The following NTM variants were observed in gnomAD, a reference collection of about 807,000 sequenced individuals.
NTM encodes the protein IgLON family member 2.
In NTM, 13 loss-of-function variants were observed where a neutral mutation model predicts 42.1. The observed-to-expected ratio is 0.31, with a 90% CI of 0.20 to 0.49. The LOEUF (loss-of-function observed/expected upper bound fraction) is 0.49. Ranked by LOEUF, NTM falls within the 20% of genes least tolerant of loss-of-function variation. The probability of loss-of-function intolerance (pLI) is 0.99; values close to 1 mark genes in which losing one functional copy is unlikely to be tolerated. For synonymous variants in NTM, 187 were observed against 179.2 expected, an observed-to-expected ratio of 1.04 and a Z score of -0.35; for missense variants, 373 against 452.8, an observed-to-expected ratio of 0.82 and a Z score of 1.60.
intron 1 of NTM, among the ~76,000 whole-genome samples, chr11:131,821,114 G>T (rs1313409753): frequency 2.0e-5 from 3 of 151,536 alleles, no homozygotes; most frequent in East Asian, 1.9e-4. Flanking sequence ...ATTTCTCCCT[G>T]TGTTTGGCCA....
rs74931197 is a variant in NTM at position 131,932,684 on chromosome 11, C to T, written c.167+21036C>T. 2.6e-5 allele frequency among the ~76,000 whole-genome samples: 4 copies of T among 152,308 alleles called. No homozygotes were observed. The East Asian group carries it at 7.7e-4, about 29-fold the overall frequency. On this transcript the variant is annotated intron_variant, in intron 2 of 8. Coordinates refer to ENST00000683400, the MANE Select transcript of NTM (RefSeq NM_001352005.2). ...ATGCTGATGGTGGTGATGATTTATA[C>T]CTTAATGAGCAGGCGTTGGTCATCA...
intron 3 of NTM, among the ~76,000 whole-genome samples, chr11:132,161,279 G>GAC (rs927856102): frequency 6.6e-6 from 1 of 151,684 alleles, no homozygotes; most frequent in Non-Finnish European, 1.5e-5. Context: ...TCAGCAGATG[G>GAC]ACACCCTTCT....
intron 1 of NTM, among the ~76,000 whole-genome samples, chr11:131,872,770 C>T (rs116447849): frequency 6.6e-6 from 1 of 152,150 alleles, no homozygotes; most frequent in Non-Finnish European, 1.5e-5. Flanking sequence ...TAGTATCATA[C>T]TGTGGGGTAA....
intron 1 of NTM, among the ~76,000 whole-genome samples, chr11:131,691,318 G>T (rs150585812): frequency 2.0e-5 from 3 of 152,208 alleles, no homozygotes; most frequent in Non-Finnish European, 4.4e-5. Context: ...CGGGGAGTTC[G>T]CCCCTGTGGG....
chr11:131,377,556 A>G (rs533115089), intron 1 of NTM, among the ~76,000 whole-genome samples: 2 of 152,322 alleles, frequency 1.3e-5, no homozygotes, highest in African/African-American at 4.8e-5. Context: ...CTCTATGAGA[A>G]CCCTTTTAAT....
At chr11:131,510,669 C>A (rs773089066) in intron 1 of NTM, among the ~76,000 whole-genome samples, 1 of 152,178 alleles carries the variant, frequency 6.6e-6, no homozygotes, top group African/African-American at 2.4e-5. Context: ...GACCACTAGA[C>A]GTTTATAAAA....
chr11:132,297,029 G>T (rs148484569), intron 4 of NTM, among the ~76,000 whole-genome samples: 83 of 152,308 alleles, frequency 5.4e-4, no homozygotes, highest in African/African-American at 1.8e-3. Context: ...CCTTTCTCCT[G>T]AGGCCCAAAC....
At chr11:132,159,152 A>G (rs538032267) in intron 3 of NTM, among the ~76,000 whole-genome samples, 4 of 152,280 alleles carry the variant, frequency 2.6e-5, no homozygotes, top group African/African-American at 9.6e-5. Flanking sequence ...CTGAGATTGT[A>G]TTATCCTGTG....
At chr11:131,890,989 G>A (rs1419578162) in intron 1 of NTM, among the ~76,000 whole-genome samples, 1 of 152,150 alleles carries the variant, frequency 6.6e-6, no homozygotes, top group East Asian at 1.9e-4. Flanking sequence ...CTAGCCTAGC[G>A]AGAGGAGAAT....
chr11:131,372,331 G>A (rs1157310171), intron 1 of NTM, among the ~76,000 whole-genome samples: 1 of 152,122 alleles, frequency 6.6e-6, no homozygotes, highest in East Asian at 1.9e-4. Flanking sequence ...CAGGAGGCAT[G>A]GGCCTCAGGA....
At chr11:131,926,748 C>T (rs1342039679) in intron 2 of NTM, among the ~76,000 whole-genome samples, 5 of 152,176 alleles carry the variant, frequency 3.3e-5, no homozygotes, top group Non-Finnish European at 5.9e-5. Flanking sequence ...TGGTAGTTTC[C>T]GTGTGGACTT....
At chr11:131,937,638 C>G (rs908839873) in intron 2 of NTM, among the ~76,000 whole-genome samples, 1 of 152,234 alleles carries the variant, frequency 6.6e-6, no homozygotes, top group Non-Finnish European at 1.5e-5. Flanking sequence ...TCCCATTTCT[C>G]TAGTTACAGA....
At chr11:131,943,903 A>T (rs2060071676) in intron 2 of NTM, among the ~76,000 whole-genome samples, 1 of 131,876 alleles carries the variant, frequency 7.6e-6, no homozygotes, top group Non-Finnish European at 1.6e-5. Context: ...TCTAATTCCA[A>T]CTCACATTTT....
chr11:131,987,378 C>CCTATTTTATTCTATTCTATTCTATT (rs1555206526), intron 2 of NTM, among the ~76,000 whole-genome samples: 3 of 147,802 alleles, frequency 2.0e-5, no homozygotes, highest in African/African-American at 7.6e-5. Flanking sequence ...TCCTATTCCT[C>CCTATTTTATTCTATTCTATTCTATT]CTATTCTATT....
chr11:131,560,997 C>T (rs971527331), intron 1 of NTM, among the ~76,000 whole-genome samples: 1 of 152,216 alleles, frequency 6.6e-6, no homozygotes, highest in African/African-American at 2.4e-5. Context: ...GGGTGGCGTG[C>T]AAGATCACCC....
At chr11:132,119,518 G>A (rs1351325117) in intron 2 of NTM, among the ~76,000 whole-genome samples, 1 of 152,224 alleles carries the variant, frequency 6.6e-6, no homozygotes, top group Non-Finnish European at 1.5e-5. Context: ...TATGGTCTGT[G>A]AAGTCTGAAG....
At chr11:131,789,530 GAA>G (rs2090200823) in intron 1 of NTM, among the ~76,000 whole-genome samples, 1 of 23,474 alleles carries the variant, frequency 4.3e-5, no homozygotes, top group African/African-American at 2.5e-4. Context: ...AGAAGAAGAA[GAA>G]GAAGAAGAAG....
intron 1 of NTM, among the ~76,000 whole-genome samples, chr11:131,651,459 G>T (rs2066465900): frequency 6.6e-6 from 1 of 152,208 alleles, no homozygotes; most frequent in African/African-American, 2.4e-5. Context: ...GTGGAATAAA[G>T]CTCATTCACC....
intron 2 of NTM, among the ~76,000 whole-genome samples, chr11:132,137,682 C>A (rs2068213936): frequency 6.6e-6 from 1 of 152,140 alleles, no homozygotes; most frequent in African/African-American, 2.4e-5. Flanking sequence ...ACTGTTAACA[C>A]TTTTAGGCCT....
Sources: gnomAD v4.1 joint callset for allele counts (sites outside exome capture counted in the v4.1 genomes callset) on GRCh38, gnomAD v4.1.1 for gene constraint, MANE v1.5 for transcripts, NCBI Gene and HGNC (gene_info 2026-07-23, HGNC 2026-07-21) for gene names.